Variants in SUPT3H observed in about 807,000 individuals in gnomAD.
SUPT3H encodes SPT3 homolog, SAGA and STAGA complex component.
In SUPT3H, 44 loss-of-function variants were observed where a neutral mutation model predicts 44.3. The ratio of observed to expected loss-of-function variants is 0.99; its 90% CI spans 0.78 to 1.28. The LOEUF (loss-of-function observed/expected upper bound fraction) is 1.28. Ranked by LOEUF, SUPT3H falls within the 50% of genes most tolerant of loss-of-function variation. The pLI, the probability that SUPT3H is intolerant of heterozygous loss-of-function variation, is 0.00. For missense variants in SUPT3H, 380 were observed against 387.1 expected (o/e 0.98, Z 0.15); for synonymous variants, 124 against 125.6 (o/e 0.99, Z 0.09).
chr6:45,054,607 A>AAG (rs1790829022), intron 3 of SUPT3H, among the ~76,000 whole-genome samples: 2 of 152,184 alleles, frequency 1.3e-5, no homozygotes, highest in Non-Finnish European at 1.5e-5. Flanking sequence ...CCTTGCAATA[A>AAG]GTGAGGAAAA....
intron 1 of SUPT3H, among the ~76,000 whole-genome samples, chr6:45,377,082 TTC>T (rs1554374311): frequency 6.8e-6 from 1 of 146,052 alleles, no homozygotes; most frequent in Non-Finnish European, 1.6e-5. Flanking sequence ...AGTGTCCTGA[TTC>T]TCTGAGAAAA....
intron 3 of SUPT3H, among the ~76,000 whole-genome samples, chr6:45,032,304 T>C (rs1009043576): frequency 6.6e-6 from 1 of 152,144 alleles, no homozygotes; most frequent in Non-Finnish European, 1.5e-5. Flanking sequence ...TATTTCACTA[T>C]CAGGTTATTA....
intron 2 of SUPT3H, among the ~76,000 whole-genome samples, chr6:45,329,808 A>G (rs1196869350): frequency 6.6e-6 from 1 of 151,988 alleles, no homozygotes. Flanking sequence ...ATGTGTTATT[A>G]TAGCAAAATA....
At chr6:45,239,410 C>T (rs1425081736) in intron 2 of SUPT3H, among the ~76,000 whole-genome samples, 4 of 152,204 alleles carry the variant, frequency 2.6e-5, no homozygotes, top group Non-Finnish European at 4.4e-5. Flanking sequence ...TGGTCTCAAG[C>T]GCAGATACAG....
intron 2 of SUPT3H, among the ~76,000 whole-genome samples, chr6:45,166,942 C>T (rs1483385673): frequency 6.6e-6 from 1 of 152,136 alleles, no homozygotes; most frequent in Non-Finnish European, 1.5e-5. Flanking sequence ...AAAGTTGTAC[C>T]CCACTTTGGA....
chr6:45,335,061 T>A (rs907461052), intron 2 of SUPT3H, among the ~76,000 whole-genome samples: 6 of 151,270 alleles, frequency 4.0e-5, no homozygotes, highest in Non-Finnish European at 7.4e-5. Context: ...ATAAATATTA[T>A]CTCAAAGAAC....
chr6:45,214,739 C>T (rs2153632263), intron 2 of SUPT3H, among the ~76,000 whole-genome samples: 1 of 152,242 alleles, frequency 6.6e-6, no homozygotes, highest in East Asian at 1.9e-4. Context: ...GTCCCATTTA[C>T]TCGGGAGGGT....
chr6:45,082,327 G>T (rs903138307), intron 3 of SUPT3H, among the ~76,000 whole-genome samples: 4 of 151,968 alleles, frequency 2.6e-5, no homozygotes, highest in African/African-American at 9.7e-5. Context: ...AGCTGGCAAA[G>T]ACACAACAAC....
chr6:45,231,500 T>G (rs1044721662), intron 2 of SUPT3H, among the ~76,000 whole-genome samples: 4 of 152,198 alleles, frequency 2.6e-5, no homozygotes, highest in Non-Finnish European at 4.4e-5. Flanking sequence ...GACTAAACGC[T>G]TTTCTCTTAC....
intron 3 of SUPT3H, among the ~76,000 whole-genome samples, chr6:45,085,497 C>A (rs1796372475): frequency 2.0e-5 from 3 of 152,076 alleles, no homozygotes; most frequent in Admixed American, 2.0e-4. Flanking sequence ...TCTAGAGATA[C>A]AACTGAACAT....
intron 2 of SUPT3H, among the ~76,000 whole-genome samples, chr6:45,243,369 A>G (rs948700392): frequency 3.3e-5 from 5 of 152,056 alleles, no homozygotes; most frequent in Non-Finnish European, 7.4e-5. Context: ...AAGTCAGCCA[A>G]TGAAAAGAAA....
At chr6:45,055,005 CTATTAAATTAAAAAAAAT>C (rs1227153084) in intron 3 of SUPT3H, among the ~76,000 whole-genome samples, 33 of 151,746 alleles carry the variant, frequency 2.2e-4, no homozygotes, top group Non-Finnish European at 3.7e-4. Context: ...ATAATAGCAA[CTATTAAATTAAAAAAAAT>C]TATTAAATTA....
intron 3 of SUPT3H, among the ~76,000 whole-genome samples, chr6:45,038,660 T>C (rs1788051793): frequency 6.6e-6 from 1 of 152,176 alleles, no homozygotes; most frequent in Admixed American, 6.5e-5. Flanking sequence ...TATTAGGACT[T>C]CTTTAATTCT....
At chr6:45,109,906 T>A (rs2153573336) in intron 2 of SUPT3H, among the ~76,000 whole-genome samples, 1 of 152,324 alleles carries the variant, frequency 6.6e-6, no homozygotes, top group East Asian at 1.9e-4. Context: ...GGTCTTGTCC[T>A]AATCAATAGA....
intron 3 of SUPT3H, among the ~76,000 whole-genome samples, chr6:45,093,661 C>A (rs1207601526): frequency 1.3e-5 from 2 of 152,034 alleles, no homozygotes; most frequent in Non-Finnish European, 2.9e-5. Context: ...AGAAAGAGAA[C>A]CTGATGCATG....
At chr6:44,823,719 T>C (rs1767522635), downstream of SUPT3H, among the ~76,000 whole-genome samples, 3 of 152,116 alleles carry the variant, frequency 2.0e-5, no homozygotes, top group South Asian at 4.2e-4. Flanking sequence ...CCCAGCACTT[T>C]GGGAGGCTGA....
At chr6:45,341,690 C>T (rs373604099) in intron 2 of SUPT3H, among the ~76,000 whole-genome samples, 2 of 152,062 alleles carry the variant, frequency 1.3e-5, no homozygotes, top group African/African-American at 4.8e-5. Context: ...AAAATAACTA[C>T]GGAATAACAG....
At chr6:44,836,590 T>C (rs959288884) in intron 10 of SUPT3H, among the ~76,000 whole-genome samples, 9 of 152,314 alleles carry the variant, frequency 5.9e-5, no homozygotes, top group African/African-American at 1.4e-4. Flanking sequence ...AATACTAACA[T>C]TGGACTTTTA....
chr6:45,083,829 AACT>A (rs1796142648), intron 3 of SUPT3H, among the ~76,000 whole-genome samples: 1 of 152,182 alleles, frequency 6.6e-6, no homozygotes, highest in Non-Finnish European at 1.5e-5. Context: ...AAGTTGACAA[AACT>A]AAGCAATGGA....
Sources: gnomAD v4.1 joint callset for allele counts (sites outside exome capture counted in the v4.1 genomes callset) on GRCh38, gnomAD v4.1.1 for gene constraint, MANE v1.5 for transcripts, NCBI Gene and HGNC (gene_info 2026-07-23, HGNC 2026-07-21) for gene names.